MCPH1: variants seen among roughly 807,000 people sequenced by gnomAD.
The protein encoded by MCPH1 is microcephalin.
MCPH1 carries 104 observed loss-of-function variants against 84.5 expected under a neutral mutation model. The ratio of observed to expected loss-of-function variants is 1.23; its 90% CI spans 1.05 to 1.45. The LOEUF is 1.45. Among genes scored for constraint, MCPH1 ranks in the 40% most tolerant of loss-of-function variants. MCPH1 has a pLI of 0.00. For missense variants in MCPH1, 1,498 were observed against 1,005.7 expected, an observed-to-expected ratio of 1.49 and a Z score of -6.62; for synonymous variants, 514 against 366.8, an observed-to-expected ratio of 1.40 and a Z score of -4.58.
intron 13 of MCPH1, chr8:6,625,002 A>C: frequency 1.9e-6 from 1 of 527,730 alleles, no homozygotes; most frequent in Non-Finnish European, 2.4e-6. Flanking sequence ...CAGCCTTCCC[A>C]GTAGCTGGAA....
intron 11 of MCPH1, among the ~76,000 whole-genome samples, chr8:6,490,067 C>T (rs896905497): frequency 6.6e-6 from 1 of 151,990 alleles, no homozygotes; most frequent in Non-Finnish European, 1.5e-5. Context: ...GTGTAGATCT[C>T]AGTTCCCCAA....
rs886297655 is a variant in MCPH1, at chr8:6,625,571, A to G, written c.2452+3880A>G. 30 of 984,686 alleles carry G rather than the reference A, an allele frequency of 3.0e-5. 1 individual carries two copies. The Admixed American group carries it at 1.7e-3, about 56-fold the overall frequency. The allele number at this position is 984,686 out of a possible 1,614,324, so 61.0% of individuals were successfully genotyped here. ...AATTATGAAAAGACAATACTCAAAA[A>G]AAAATCAATTAAATTTATTCAAACT... On this transcript the variant is annotated intron_variant, in intron 13 of 13. Coordinates refer to ENST00000344683, the MANE Select transcript of MCPH1 (RefSeq NM_024596.5).
At position 6,645,138 on chromosome 8, in the gene MCPH1, A is replaced by T. The variant is rs2129584291; in HGVS notation, c.*2089A>T. The T allele has an allele frequency of 6.6e-6, 1 of 152,422 alleles. No homozygotes were observed. Among genetic ancestry groups the T allele is most frequent in the East Asian group, 1.9e-4 (1 of 5,178 alleles). 9.4% of individuals were successfully genotyped at this position (152,422 alleles called of 1,614,324 possible). On this transcript the variant is annotated 3_prime_UTR_variant, in exon 14 of 14. Coordinates refer to ENST00000344683, the MANE Select transcript of MCPH1 (RefSeq NM_024596.5). Reference sequence around the variant, plus strand: ...CTCATGCTGGAGACAAGCCACAGAGAACTTCCATCCCCCACCACATCAGCC... The same window carrying T: ...CTCATGCTGGAGACAAGCCACAGAGTACTTCCATCCCCCACCACATCAGCC...
rs901967923 is a variant in MCPH1 at position 6,646,103 on chromosome 8, T to G, written c.*3054T>G. On this transcript the variant is annotated 3_prime_UTR_variant, in exon 14 of 14. Transcript: ENST00000344683. ...AGTTGGAGGATTTATAGAACCTGAT[T>G]CCAAAACTGTCAGTAAAACTACAAT... is the stretch of plus-strand genomic sequence containing the variant. 1 of 152,196 alleles carries G rather than the reference T, an allele frequency of 6.6e-6. No homozygotes were observed. The highest frequency in any genetic ancestry group is 1.5e-5 in the Non-Finnish European group (1 of 68,032). 9.4% of individuals were successfully genotyped at this position (152,196 alleles called of 1,614,324 possible).
chr8:6,446,873 C>T (rs1585827045), intron 8 of MCPH1: 2 of 985,008 alleles, frequency 2.0e-6, no homozygotes, highest in South Asian at 9.4e-5. Flanking sequence ...TGTTCTAGAA[C>T]ACTGCCCCCC....
At chr8:6,522,066 T>C (rs1033459921) in intron 12 of MCPH1, among the ~76,000 whole-genome samples, 12 of 152,238 alleles carry the variant, frequency 7.9e-5, no homozygotes, top group African/African-American at 2.6e-4. Flanking sequence ...TTTTAAAATG[T>C]AAATGCTGGC....
intron 12 of MCPH1, among the ~76,000 whole-genome samples, chr8:6,607,165 G>C (rs1341001736): frequency 2.0e-5 from 3 of 152,170 alleles, no homozygotes; most frequent in African/African-American, 4.8e-5. Flanking sequence ...CCCTGGGGCA[G>C]GTTATAAGAT....
chr8:6,440,972 C>G (rs1251302477), intron 6 of MCPH1, among the ~76,000 whole-genome samples: 1 of 152,174 alleles, frequency 6.6e-6, no homozygotes, highest in East Asian at 1.9e-4. Flanking sequence ...TTCTGTTGTA[C>G]CTGCCTGGCT....
At chr8:6,530,432 C>T (rs2515472) in intron 12 of MCPH1, among the ~76,000 whole-genome samples, 27,873 of 150,010 alleles carry the variant, frequency 0.19, 3,345 homozygotes, top group African/African-American at 0.34. Context: ...TCGCTTGAAC[C>T]CGGGAGGTGG....
chr8:6,420,328 A>T (rs762781805), intron 3 of MCPH1, among the ~76,000 whole-genome samples: 20 of 152,032 alleles, frequency 1.3e-4, no homozygotes, highest in Non-Finnish European at 2.6e-4. Context: ...GCTTCATGTA[A>T]GTTCTCCAGG....
intron 12 of MCPH1, among the ~76,000 whole-genome samples, chr8:6,595,977 T>G: frequency 6.6e-6 from 1 of 152,230 alleles, no homozygotes; most frequent in East Asian, 1.9e-4. Flanking sequence ...ATTTAAGAAA[T>G]GAATAATATG....
intron 12 of MCPH1, among the ~76,000 whole-genome samples, chr8:6,540,047 C>G (rs1821258154): frequency 6.6e-6 from 1 of 152,182 alleles, no homozygotes; most frequent in South Asian, 2.1e-4. Context: ...GGCATTCTAA[C>G]ATTAATAGTC....
intron 12 of MCPH1, among the ~76,000 whole-genome samples, chr8:6,503,641 A>G: frequency 6.6e-6 from 1 of 152,240 alleles, no homozygotes; most frequent in East Asian, 1.9e-4. Context: ...AGTCCCAGCA[A>G]CATGGTGGGC....
At chr8:6,601,123 G>A (rs1829326162) in intron 12 of MCPH1, among the ~76,000 whole-genome samples, 1 of 152,096 alleles carries the variant, frequency 6.6e-6, no homozygotes, top group African/African-American at 2.4e-5. Context: ...CCTCCCTGCA[G>A]CCACCACCTG....
chr8:6,505,221 A>G (rs1415735061), intron 12 of MCPH1, among the ~76,000 whole-genome samples: 1 of 68,250 alleles, frequency 1.5e-5, no homozygotes, highest in Non-Finnish European at 2.5e-5. Flanking sequence ...ATATATATAT[A>G]TTCTTATGTA....
At chr8:6,540,935 C>A (rs906072846) in intron 12 of MCPH1, among the ~76,000 whole-genome samples, 18 of 152,276 alleles carry the variant, frequency 1.2e-4, no homozygotes, top group Non-Finnish European at 5.9e-5. Context: ...CTCAGAACAT[C>A]CACCTGGGGC....
chr8:6,565,832 A>G (rs1313322729), intron 12 of MCPH1, among the ~76,000 whole-genome samples: 1 of 152,234 alleles, frequency 6.6e-6, no homozygotes, highest in Non-Finnish European at 1.5e-5. Flanking sequence ...TTCCGGGTGC[A>G]CAATATGCCA....
In MCPH1 at chr8:6,621,606, C is replaced by T. The variant is rs764585700; in HGVS notation, c.2367C>T (p.Val789=). ...TGTGCGGAGGCCGGGTCAGCCAAGT[C>T]CCCCGCCAGGCCAGCATCGTCATCG... ...VHLCGGRVSQ[V]PRQASIVIGP... is the part of the protein sequence containing the mutation. Residue 789 remains valine, a synonymous_variant, in exon 13 of 14, where the codon GTC becomes GTT. Coordinates refer to ENST00000344683, the MANE Select transcript of MCPH1 (RefSeq NM_024596.5). 9.3e-6 allele frequency: 15 copies of T among 1,614,096 alleles called. 2 individuals are homozygous for T. The South Asian group carries it at 1.6e-4, about 18-fold the overall frequency.
intron 12 of MCPH1, among the ~76,000 whole-genome samples, chr8:6,613,391 T>C (rs1441903253): frequency 6.6e-6 from 1 of 152,098 alleles, no homozygotes; most frequent in Non-Finnish European, 1.5e-5. Flanking sequence ...CATCTGAATT[T>C]AACCCGGGTT....
Sources: gnomAD v4.1 joint callset for allele counts (sites outside exome capture counted in the v4.1 genomes callset) on GRCh38, gnomAD v4.1.1 for gene constraint, MANE v1.5 for transcripts, NCBI Gene and HGNC (gene_info 2026-07-23, HGNC 2026-07-21) for gene names.